Variants in ZFPM1 observed in about 807,000 individuals in gnomAD.
ZFPM1 encodes the protein zinc finger protein ZFPM1.
A neutral mutation model predicts 46.3 loss-of-function variants in ZFPM1; 28 were observed. The ratio of observed to expected loss-of-function variants is 0.60; its 90% CI spans 0.45 to 0.83. The LOEUF (loss-of-function observed/expected upper bound fraction) is 0.83. Ranked by LOEUF, ZFPM1 falls within the 40% of genes least tolerant of loss-of-function variation. The pLI, the probability that ZFPM1 is intolerant of heterozygous loss-of-function variation, is 0.00. For synonymous variants in ZFPM1, 957 were observed against 675.9 expected, an observed-to-expected ratio of 1.42 and a Z score of -6.45; for missense variants, 1,878 against 1,432.4, an observed-to-expected ratio of 1.31 and a Z score of -5.02.
rs1908401925 is a variant in ZFPM1, at chr16:88,471,181, C to T, written c.41-14758C>T. ...GACTTTTCCTCTCCACTTACTCCGCCCTGACCGCGATGGGCACTGAGAATT... is the reference window on the plus strand; with the variant it reads ...GACTTTTCCTCTCCACTTACTCCGCTCTGACCGCGATGGGCACTGAGAATT... On this transcript the variant is annotated intron_variant, in intron 1 of 9. Coordinates refer to ENST00000319555, the MANE Select transcript of ZFPM1 (RefSeq NM_153813.3). The surrounding 1 kb of genome is among the most constrained non-coding windows in gnomAD (Gnocchi z 4.1). 6.6e-6 allele frequency among the ~76,000 whole-genome samples: 1 copy of T among 152,236 alleles called. No homozygotes were observed. The highest frequency in any genetic ancestry group is 1.5e-5 in the Non-Finnish European group (1 of 68,038).
chr16:88,505,368 C>T (rs1337358299), intron 3 of ZFPM1, among the ~76,000 whole-genome samples: 1 of 152,188 alleles, frequency 6.6e-6, no homozygotes, highest in African/African-American at 2.4e-5. Flanking sequence ...GTGGTGCCCT[C>T]CTCCTCCAAA....
chr16:88,503,481 G>A (rs1056794325), intron 3 of ZFPM1, among the ~76,000 whole-genome samples: 5 of 151,708 alleles, frequency 3.3e-5, no homozygotes, highest in African/African-American at 9.7e-5. Flanking sequence ...CCTGAGTGGA[G>A]GGATCTGTGT....
chr16:88,456,556 G>A (rs1107792), intron 1 of ZFPM1, among the ~76,000 whole-genome samples: 6,300 of 152,308 alleles, frequency 0.041, 175 homozygotes, highest in Middle Eastern at 0.092. Context: ...GAGGGGCAGA[G>A]GGGGCAGCCA....
At chr16:88,508,468 G>C (rs1358288003) in intron 3 of ZFPM1, among the ~76,000 whole-genome samples, 1 of 152,244 alleles carries the variant, frequency 6.6e-6, no homozygotes, top group Admixed American at 6.5e-5. Context: ...CGTGGCTGCA[G>C]AGCAGGCCAC....
chr16:88,526,997 G>A (rs1299258542), intron 5 of ZFPM1, 81 bp downstream of exon 5: 10 of 1,485,918 alleles, frequency 6.7e-6, no homozygotes, highest in Non-Finnish European at 9.0e-6. Flanking sequence ...AGCCCTTAAA[G>A]GGAAACCAGC....
intron 3 of ZFPM1, among the ~76,000 whole-genome samples, chr16:88,513,506 C>A (rs1911095604): frequency 6.6e-6 from 1 of 152,196 alleles, no homozygotes; most frequent in Non-Finnish European, 1.5e-5. Context: ...CTCTGTGGGC[C>A]CAGGCAGCCC....
intron 1 of ZFPM1, among the ~76,000 whole-genome samples, chr16:88,481,125 C>T (rs1908916567): frequency 6.6e-6 from 1 of 152,250 alleles, no homozygotes; most frequent in Non-Finnish European, 1.5e-5. Context: ...GAGCAGGAGA[C>T]GGATGGGCGC....
At chr16:88,467,910 G>GCTCGAGCTGAGCGGCCC (rs1908212396) in intron 1 of ZFPM1, among the ~76,000 whole-genome samples, 1 of 152,096 alleles carries the variant, frequency 6.6e-6, no homozygotes, top group Admixed American at 6.5e-5. Context: ...CTATCTGCTT[G>GCTCGAGCTGAGCGGCCC]CTCGAGCTGA....
chr16:88,485,811 T>A (rs1037196789), intron 1 of ZFPM1, 128 bp from the exon 2 acceptor site: 5 of 754,942 alleles, frequency 6.6e-6, no homozygotes, highest in Non-Finnish European at 1.1e-5. Context: ...GGGTGAGGGA[T>A]GACCCTCACC....
chr16:88,495,123 G>A (rs1006506003), intron 3 of ZFPM1, among the ~76,000 whole-genome samples: 12 of 152,342 alleles, frequency 7.9e-5, no homozygotes, highest in African/African-American at 2.4e-4. Context: ...CTCGGAAAAT[G>A]GAGGCGCTCA....
At chr16:88,506,921 G>A (rs903860736) in intron 3 of ZFPM1, among the ~76,000 whole-genome samples, 4 of 152,228 alleles carry the variant, frequency 2.6e-5, no homozygotes, top group African/African-American at 4.8e-5. Flanking sequence ...CTCCCTTCTC[G>A]CTAGCGCATG....
chr16:88,502,056 G>C (rs1413034105), intron 3 of ZFPM1, among the ~76,000 whole-genome samples: 9 of 105,862 alleles, frequency 8.5e-5, no homozygotes, highest in Non-Finnish European at 1.2e-4. Flanking sequence ...GGCTCCACCC[G>C]CCCCCCCCCA....
chr16:88,488,955 T>C, intron 2 of ZFPM1, 76 bp from the exon 3 acceptor site: 1 of 1,540,522 alleles, frequency 6.5e-7, no homozygotes. Flanking sequence ...CGCCTCAGCA[T>C]CCTTCCCAGC....
chr16:88,494,032 G>A (rs1165528780), intron 3 of ZFPM1, among the ~76,000 whole-genome samples: 1 of 152,178 alleles, frequency 6.6e-6, no homozygotes, highest in East Asian at 1.9e-4. Flanking sequence ...ATGGACATAA[G>A]GAAAGCCACA....
Position 88,480,036 on chromosome 16 carries a change from G to A in ZFPM1, c.41-5903G>A, listed in dbSNP as rs550842252. Among the ~76,000 whole-genome samples, 1 of 151,820 alleles carries A rather than the reference G, an allele frequency of 6.6e-6. No individual in the cohort carries two copies. The highest frequency in any genetic ancestry group is 6.6e-5 in the Admixed American group (1 of 15,240). ...TGCCAACACCTGGCTGAGTCCTAACGCCAGCCTTTGGCAAGACAGTTTGAT... is the reference window on the plus strand; with the variant it reads ...TGCCAACACCTGGCTGAGTCCTAACACCAGCCTTTGGCAAGACAGTTTGAT... On this transcript the variant is annotated intron_variant, in intron 1 of 9. Coordinates refer to ENST00000319555, the MANE Select transcript of ZFPM1 (RefSeq NM_153813.3). This position sits in a 1 kb window ranked among gnomAD's most constrained non-coding sequence, Gnocchi z 4.9.
intron 1 of ZFPM1, among the ~76,000 whole-genome samples, chr16:88,466,354 G>A (rs1314324826): frequency 1.3e-5 from 2 of 152,226 alleles, no homozygotes; most frequent in East Asian, 1.9e-4. Context: ...AAGGCTCAGC[G>A]AGGTTGAGTA....
intron 6 of ZFPM1, among the ~76,000 whole-genome samples, chr16:88,528,745 G>T (rs1912546764): frequency 1.3e-5 from 2 of 151,908 alleles, no homozygotes; most frequent in African/African-American, 4.8e-5. Flanking sequence ...GGTTTTTGTT[G>T]TTTTTTTTTC....
intron 3 of ZFPM1, among the ~76,000 whole-genome samples, chr16:88,489,880 G>C (rs1013569568): frequency 6.6e-6 from 1 of 152,234 alleles, no homozygotes; most frequent in South Asian, 2.1e-4. Flanking sequence ...AGTAGCGTCT[G>C]GGGTGGAATC....
chr16:88,509,887 G>C (rs1910859298), intron 3 of ZFPM1, among the ~76,000 whole-genome samples: 2 of 152,244 alleles, frequency 1.3e-5, no homozygotes, highest in South Asian at 2.1e-4. Flanking sequence ...CGTCACGGAG[G>C]GGGCCACGGT....
Sources: allele counts gnomAD v4.1 joint callset (sites outside exome capture counted in the v4.1 genomes callset), GRCh38; gene constraint gnomAD v4.1.1; non-coding constraint Gnocchi (gnomAD v3.1); transcripts MANE v1.5; gene names NCBI Gene and HGNC (gene_info 2026-07-23, HGNC 2026-07-21).